Variants in MORC2 observed in about 807,000 individuals in gnomAD.
MORC2 encodes the protein ATPase MORC2.
A neutral mutation model predicts 136.0 loss-of-function variants in MORC2; 30 were observed. The observed-to-expected ratio is 0.22, with a 90% CI of 0.17 to 0.30. The LOEUF (loss-of-function observed/expected upper bound fraction) is 0.30. Ranked by LOEUF, MORC2 falls within the 10% of genes least tolerant of loss-of-function variation. MORC2 has a pLI of 1.00. For synonymous variants in MORC2, 439 were observed against 487.0 expected, an observed-to-expected ratio of 0.90 and a Z score of 1.30; for missense variants, 922 against 1,333.1, an observed-to-expected ratio of 0.69 and a Z score of 4.80.
At chr22:30,961,345 G>A (rs908949222) in intron 1 of MORC2, among the ~76,000 whole-genome samples, 1 of 152,142 alleles carries the variant, frequency 6.6e-6, no homozygotes, top group Non-Finnish European at 1.5e-5. Flanking sequence ...GGAGAAATAA[G>A]CTTAAAAATT....
rs1218710443 is a variant in MORC2, at chr22:30,936,649, G to A, written c.1605-6C>T. On this transcript the variant is annotated splice_region_variant and splice_polypyrimidine_tract_variant and intron_variant, in intron 16 of 25. Transcript: ENST00000397641. ...TTTGTTCAGAAGCCTCACACCTGTA[G>A]AGACAAGGTACTACAGAGGTCGTGG... is the stretch of plus-strand genomic sequence containing the variant. The A allele has an allele frequency of 6.2e-7, 1 of 1,613,450 alleles. No individual in the cohort carries two copies. The highest frequency in any genetic ancestry group is 1.3e-5 in the African/African-American group (1 of 74,868).
chr22:30,964,073 T>C (rs903371770), intron 1 of MORC2, among the ~76,000 whole-genome samples: 2 of 152,022 alleles, frequency 1.3e-5, no homozygotes, highest in Admixed American at 6.6e-5. Context: ...AACTCAGAAA[T>C]AGGGCTGGGT....
chr22:30,928,030 T>G lies in MORC2; in HGVS notation c.3019A>C (p.Lys1007Gln). The G allele has an allele frequency of 6.2e-7, 1 of 1,613,308 alleles. No homozygotes were observed. The highest frequency in any genetic ancestry group is 8.5e-7 in the Non-Finnish European group (1 of 1,180,008). The change falls in exon 25 of 26, where the codon AAG becomes CAG. Residue 1007 changes from lysine to glutamine, a missense_variant. Lys to Gln is a moderately conservative substitution (Grantham distance 53). Coordinates refer to ENST00000397641, the MANE Select transcript of MORC2 (RefSeq NM_001303256.3). ...LRTNIVALLQ[K>Q]VQEDIDINTD... is the part of the protein sequence containing the mutation. ...GCTGCCGGGCTCACCTCCTGCACCT[T>G]TTGCAGGAGTGCCACGATGTTGGTC...
chr22:30,965,143 T>C (rs899414317), intron 1 of MORC2, among the ~76,000 whole-genome samples: 4 of 152,198 alleles, frequency 2.6e-5, no homozygotes, highest in Non-Finnish European at 5.9e-5. Context: ...ACCACACTGA[T>C]TTCCACACTT....
Position 30,928,105 on chromosome 22 carries a change from T to C in MORC2, c.2944A>G (p.Thr982Ala), listed in dbSNP as rs771410096. ...GTCTCGCGGAGCTTCCTCTCGGAGG[T>C]GCGCAGGCTTTCCTCGGAGGCCTTG... ...RAKASEESLR[T>A]SERKLRETEE... The change falls in exon 25 of 26, where the codon ACC (threonine) becomes GCC (alanine). Residue 982 changes from threonine to alanine, a missense_variant. Physicochemically the swap from Thr to Ala is moderately conservative, Grantham distance 58 (BLOSUM62 0). Coordinates refer to ENST00000397641, the MANE Select transcript of MORC2 (RefSeq NM_001303256.3). 3.2e-5 allele frequency: 51 copies of C among 1,613,924 alleles called. No homozygotes were observed. The highest frequency in any genetic ancestry group is 4.2e-5 in the Non-Finnish European group (50 of 1,180,028).
intron 3 of MORC2, among the ~76,000 whole-genome samples, chr22:30,954,867 G>A (rs952997843): frequency 3.3e-5 from 5 of 151,956 alleles, no homozygotes; most frequent in Non-Finnish European, 5.9e-5. Context: ...TTTTTCCAGC[G>A]GTAGCTGTTA....
chr22:30,933,177 A>ATGGTGGCTGGTCCCT, intron 21 of MORC2, 147 bp from the exon 22 acceptor site: 1 of 1,236,662 alleles, frequency 8.1e-7, no homozygotes, highest in Non-Finnish European at 1.1e-6. Context: ...CACAGAGACC[A>ATGGTGGCTGGTCCCT]GGGACCAGCC....
intron 25 of MORC2, among the ~76,000 whole-genome samples, chr22:30,927,520 C>T (rs898697445): frequency 6.6e-6 from 1 of 152,234 alleles, no homozygotes; most frequent in African/African-American, 2.4e-5. Context: ...GTGGCCTCCC[C>T]ACACTTTACT....
At chr22:30,954,361 A>C (rs1211160855) in intron 3 of MORC2, among the ~76,000 whole-genome samples, 1 of 152,182 alleles carries the variant, frequency 6.6e-6, no homozygotes, top group East Asian at 1.9e-4. Flanking sequence ...AAGATCCCTT[A>C]GCCAAGAATC....
rs2040738586 is a variant in MORC2 at position 30,941,344 on chromosome 22, A to T, written c.824+89T>A. ...GTAGTCAGCACTGCCAGAGCCTCTT[A>T]TACAGCATCCCTCTAACAATGCCCC... On this transcript the variant is annotated intron_variant, in intron 9 of 25. Coordinates refer to ENST00000397641, the MANE Select transcript of MORC2 (RefSeq NM_001303256.3). The surrounding 1 kb of genome is among the most constrained non-coding windows in gnomAD (Gnocchi z 4.6). 6.5e-6 allele frequency: 10 copies of T among 1,548,014 alleles called. No homozygotes were observed. The South Asian group carries it at 1.2e-4, about 18-fold the overall frequency.
At position 30,925,731 on chromosome 22, in the gene MORC2, G is replaced by T. The variant is rs1302655905; in HGVS notation, c.*1072C>A. On this transcript the variant is annotated 3_prime_UTR_variant, in exon 26 of 26. Transcript: ENST00000397641. ...TTAAAGAGAAAATTCAGCAACGCTT[G>T]CCTTTGTCTTTGACCCTGAGAAGTT... 1 of 153,700 alleles carries T rather than the reference G, an allele frequency of 6.5e-6. No homozygotes were observed. Among genetic ancestry groups the T allele is most frequent in the African/African-American group, 2.4e-5 (1 of 41,456 alleles). 9.5% of individuals were successfully genotyped at this position (153,700 alleles called of 1,614,324 possible).
At chr22:30,930,021 A>AT (rs1032745231) in intron 24 of MORC2, 3 of 151,968 alleles carry the variant, frequency 2.0e-5, no homozygotes, top group Non-Finnish European at 4.4e-5. Flanking sequence ...TCTGGCTAAT[A>AT]TTTTTTGTAC....
chr22:30,932,500 G>A lies in MORC2; in HGVS notation c.2747+45C>T, dbSNP rs777461768. 1 of 1,611,348 alleles carries A rather than the reference G, an allele frequency of 6.2e-7. No individual in the cohort carries two copies. The highest frequency in any genetic ancestry group is 2.2e-5 in the East Asian group (1 of 44,870). Reference sequence around the variant, plus strand: ...TTCAGAATGGCATGGAGCAGGCAGAGAGCTGCTGCTGGCCCTGGGGTGGGA... The same window carrying A: ...TTCAGAATGGCATGGAGCAGGCAGAAAGCTGCTGCTGGCCCTGGGGTGGGA... On this transcript the variant is annotated intron_variant, in intron 23 of 25. Coordinates refer to ENST00000397641, the MANE Select transcript of MORC2 (RefSeq NM_001303256.3). The surrounding 1 kb of genome is among the most constrained non-coding windows in gnomAD (Gnocchi z 4.4).
rs1049739010 is a variant in MORC2 at position 30,941,956 on chromosome 22, C to G, written c.633G>C (p.Glu211Asp). 1.9e-6 allele frequency: 3 copies of G among 1,614,048 alleles called. No individual in the cohort carries two copies. Among genetic ancestry groups the G allele is most frequent in the Non-Finnish European group, 8.5e-7 (1 of 1,179,920 alleles). Reference sequence around the variant, plus strand: ...GATTTGAGATTATGTCTAGTTCTGGCTCTCCATTATCCATGAGTTTGAGAT... The same window carrying G: ...GATTTGAGATTATGTCTAGTTCTGGGTCTCCATTATCCATGAGTTTGAGAT... ...IFNLKLMDNG[E>D]PELDIISNPR... The change falls in exon 8 of 26, where the codon GAG (glutamate) becomes GAC (aspartate). Residue 211 changes from glutamate to aspartate, a missense_variant. By Grantham distance (45) the Glu-to-Asp change is conservative (BLOSUM62 2). This residue lies in a region of MORC2 where 261 missense variants were observed against 354.3 expected (regional missense o/e 0.74). Transcript: ENST00000397641. This position sits in a 1 kb window ranked among gnomAD's most constrained non-coding sequence, Gnocchi z 4.6.
intron 5 of MORC2, among the ~76,000 whole-genome samples, chr22:30,947,402 T>G (rs1427816856): frequency 6.6e-6 from 1 of 152,238 alleles, no homozygotes; most frequent in East Asian, 1.9e-4. Flanking sequence ...ACAATGGGGC[T>G]GTTCAGCTCC....
In MORC2 at chr22:30,935,044, C is replaced by A; in HGVS notation, c.1930G>T (p.Ala644Ser). 1 of 1,613,940 alleles carries A rather than the reference C, an allele frequency of 6.2e-7. No homozygotes were observed. Among genetic ancestry groups the A allele is most frequent in the Non-Finnish European group, 8.5e-7 (1 of 1,180,016 alleles). Residue 644 changes from alanine to serine, a missense_variant, in exon 19 of 26, where the codon GCT (alanine) becomes TCT (serine). Coordinates refer to ENST00000397641, the MANE Select transcript of MORC2 (RefSeq NM_001303256.3). ...TTTGGGGTACTGCTGATGACAGGAG[C>A]CTTTCGGGGCTGGCTGGCTGGTCTA... Reference protein sequence around the residue: ...TPRPASQPRKAPVISSTPKLP... With the variant: ...TPRPASQPRKSPVISSTPKLP...
chr22:30,964,757 C>G (rs1187660434), intron 1 of MORC2, among the ~76,000 whole-genome samples: 1 of 152,166 alleles, frequency 6.6e-6, no homozygotes, highest in Non-Finnish European at 1.5e-5. Context: ...ACAGAATAAC[C>G]ATCAAAAGTT....
intron 5 of MORC2, among the ~76,000 whole-genome samples, chr22:30,949,449 C>G (rs1272231629): frequency 6.8e-6 from 1 of 147,342 alleles, no homozygotes; most frequent in Non-Finnish European, 1.5e-5. Flanking sequence ...CACTCACATC[C>G]TTGACTACAG....
At chr22:30,933,812 C>A (rs2040612226) in intron 20 of MORC2, among the ~76,000 whole-genome samples, 1 of 152,190 alleles carries the variant, frequency 6.6e-6, no homozygotes, top group Non-Finnish European at 1.5e-5. Context: ...TCACTCAAGA[C>A]CCTACCTGGC....
Sources: gnomAD v4.1 joint callset for allele counts (sites outside exome capture counted in the v4.1 genomes callset) on GRCh38, gnomAD v4.1.1 for gene constraint, gnomAD v4.1.1 regional missense constraint, Gnocchi (gnomAD v3.1) non-coding constraint, MANE v1.5 for transcripts, NCBI Gene and HGNC (gene_info 2026-07-23, HGNC 2026-07-21) for gene names.